Variants in DCLK3 observed in about 807,000 individuals in gnomAD.
DCLK3 encodes the protein doublecortin like kinase 3.
A neutral mutation model predicts 46.4 loss-of-function variants in DCLK3; 30 were observed. The ratio of observed to expected loss-of-function variants is 0.65; its 90% CI spans 0.48 to 0.88. DCLK3 has a LOEUF of 0.88. Ranked by LOEUF, DCLK3 falls within the 40% of genes least tolerant of loss-of-function variation. The pLI is 0.00. For missense variants in DCLK3, 846 were observed against 907.1 expected (o/e 0.93, Z 0.87); for synonymous variants, 401 against 339.2 (o/e 1.18, Z -2.00).
intron 1 of DCLK3, among the ~76,000 whole-genome samples, chr3:36,739,493 G>A (rs781641880): frequency 6.6e-6 from 1 of 152,096 alleles, no homozygotes; most frequent in Non-Finnish European, 1.5e-5. Flanking sequence ...CCATGGTAGT[G>A]AATAAATCTC....
At chr3:36,748,564 A>C (rs1701412440) in intron 1 of DCLK3, among the ~76,000 whole-genome samples, 1 of 152,154 alleles carries the variant, frequency 6.6e-6, no homozygotes, top group Non-Finnish European at 1.5e-5. Flanking sequence ...GGAAGGATTC[A>C]GAACAGGAGC....
intron 1 of DCLK3, among the ~76,000 whole-genome samples, chr3:36,749,866 A>T (rs1701424319): frequency 6.6e-6 from 1 of 152,222 alleles, no homozygotes; most frequent in Non-Finnish European, 1.5e-5. Flanking sequence ...GCCTTCATTC[A>T]TATTCAGGAG....
rs780611700 is a variant in DCLK3 at position 36,740,939 on chromosome 3, T to C, written c.83-1855A>G. Among the ~76,000 whole-genome samples, 5 of 152,364 alleles carry C rather than the reference T, an allele frequency of 3.3e-5. No homozygotes were observed. In the South Asian group the frequency reaches 1.0e-3, roughly 32 times the overall value. ...CAGAATGTTTTTTGTTTTTTAATTA[T>C]AATGTACAATCTGTTCTGAGATGAT... On this transcript the variant is annotated intron_variant, in intron 1 of 4. Coordinates refer to ENST00000636136, the MANE Select transcript of DCLK3 (RefSeq NM_001394672.2).
intron 2 of DCLK3, among the ~76,000 whole-genome samples, chr3:36,723,163 T>C (rs1470001607): frequency 6.6e-6 from 1 of 152,222 alleles, no homozygotes; most frequent in Non-Finnish European, 1.5e-5. Context: ...TAGCAGAGAC[T>C]GGTGGCATTT....
At chr3:36,748,899 G>C (rs1447900565) in intron 1 of DCLK3, among the ~76,000 whole-genome samples, 1 of 152,114 alleles carries the variant, frequency 6.6e-6, no homozygotes, top group Non-Finnish European at 1.5e-5. Flanking sequence ...AATGCATGGG[G>C]AGCCTCTCCA....
chr3:36,746,667 C>G (rs1261713378), intron 1 of DCLK3, among the ~76,000 whole-genome samples: 2 of 152,252 alleles, frequency 1.3e-5, no homozygotes, highest in South Asian at 2.1e-4. Context: ...CCTACAGACA[C>G]CCCATGACAA....
chr3:36,745,048 T>C (rs1032905727), intron 1 of DCLK3, among the ~76,000 whole-genome samples: 1 of 152,176 alleles, frequency 6.6e-6, no homozygotes, highest in Non-Finnish European at 1.5e-5. Context: ...GATGATCAGC[T>C]CTCCACCTTA....
chr3:36,749,077 G>A (rs1361630809), intron 1 of DCLK3, among the ~76,000 whole-genome samples: 1 of 152,062 alleles, frequency 6.6e-6, no homozygotes, highest in African/African-American at 2.4e-5. Flanking sequence ...GGGCTTCATC[G>A]CTCACTCAGT....
At position 36,737,419 on chromosome 3, in the gene DCLK3, A is replaced by G; in HGVS notation, c.1748T>C (p.Ile583Thr). ...LIIQSLSHPN[I>T]VKLHEVYETD... Reference sequence around the variant, plus strand: ...TTCGTAGACTTCATGCAATTTCACGATGTTGGGGTGAGAGAGGCTCTGGAT... The same window carrying G: ...TTCGTAGACTTCATGCAATTTCACGGTGTTGGGGTGAGAGAGGCTCTGGAT... Residue 583 changes from isoleucine to threonine, a missense_variant, in exon 2 of 5, where the codon ATC becomes ACC. This residue lies in a region of DCLK3 where 247 missense variants were observed against 322.8 expected (regional missense o/e 0.77). Coordinates refer to ENST00000636136, the MANE Select transcript of DCLK3 (RefSeq NM_001394672.2). The surrounding 1 kb of genome is among the most constrained non-coding windows in gnomAD (Gnocchi z 4.4). 1 of 1,614,102 alleles carries G rather than the reference A, an allele frequency of 6.2e-7. No homozygotes were observed. Among genetic ancestry groups the G allele is most frequent in the Non-Finnish European group, 8.5e-7 (1 of 1,180,020 alleles).
Position 36,764,330 on chromosome 3 carries a change from C to A in DCLK3, c.-67G>T. ...CAGCGCGGGGACGCGGCTCGACGGT[C>A]GAGCAGGCGCGGGAAGGCGGGGCGA... On this transcript the variant is annotated 5_prime_UTR_variant, in exon 1 of 5. Transcript: ENST00000636136. This position sits in a 1 kb window ranked among gnomAD's most constrained non-coding sequence, Gnocchi z 4.9. 1 of 209,834 alleles carries A rather than the reference C, an allele frequency of 4.8e-6. No individual in the cohort carries two copies. The allele number at this position is 209,834 out of a possible 1,614,324, so 13.0% of individuals were successfully genotyped here.
In DCLK3 at chr3:36,737,934, G is replaced by A. The variant is rs748981707; in HGVS notation, c.1233C>T (p.Ala411=). Residue 411 remains alanine, a synonymous_variant, in exon 2 of 5, where the codon GCC becomes GCT. Coordinates refer to ENST00000636136, the MANE Select transcript of DCLK3 (RefSeq NM_001394672.2). The surrounding 1 kb of genome is among the most constrained non-coding windows in gnomAD (Gnocchi z 4.4). ...GAAGAACTTCCACAAGGTCCTTCTT[G>A]GCCTTGGCTGCTCCCTGAGCATGGC... ...QESHAQGAAK[A]KKDLVEVLPV... is the part of the protein sequence containing the mutation. 3 of 1,614,080 alleles carry A rather than the reference G, an allele frequency of 1.9e-6. No individual in the cohort carries two copies. Among genetic ancestry groups the A allele is most frequent in the Non-Finnish European group, 2.5e-6 (3 of 1,180,018 alleles).
chr3:36,736,120 C>G (rs553509953), intron 2 of DCLK3, among the ~76,000 whole-genome samples: 1 of 152,298 alleles, frequency 6.6e-6, no homozygotes, highest in African/African-American at 2.4e-5. Flanking sequence ...TAAGGGAGAA[C>G]ACGTACTGTT....
intron 1 of DCLK3, among the ~76,000 whole-genome samples, chr3:36,758,978 T>A (rs1701512716): frequency 6.6e-6 from 1 of 152,264 alleles, no homozygotes; most frequent in South Asian, 2.1e-4. Flanking sequence ...TGTATTTGAC[T>A]TGTAGCTGTG....
At chr3:36,761,960 G>C (rs1186831349) in intron 1 of DCLK3, among the ~76,000 whole-genome samples, 2 of 152,260 alleles carry the variant, frequency 1.3e-5, no homozygotes, top group East Asian at 3.9e-4. Flanking sequence ...AAATATTTAG[G>C]GGAAAAAAGG....
At chr3:36,731,297 G>A (rs749240910) in intron 2 of DCLK3, among the ~76,000 whole-genome samples, 5 of 151,756 alleles carry the variant, frequency 3.3e-5, no homozygotes, top group African/African-American at 7.3e-5. Flanking sequence ...ATTTCACCTC[G>A]ACCCTGCTTC....
chr3:36,751,063 TAAAAAAA>T (rs5847933), intron 1 of DCLK3, among the ~76,000 whole-genome samples: 61 of 76,496 alleles, frequency 8.0e-4, no homozygotes, highest in Non-Finnish European at 1.1e-3. Context: ...CGGGATGATC[TAAAAAAA>T]AAAAAAAAAA....
chr3:36,738,300 C>T lies in DCLK3; in HGVS notation c.867G>A (p.Arg289=), dbSNP rs759089290. 10 of 1,515,802 alleles carry T rather than the reference C, an allele frequency of 6.6e-6. No individual in the cohort carries two copies. In the Admixed American group the frequency reaches 1.1e-4, roughly 17 times the overall value. The allele number at this position is 1,515,802 out of a possible 1,614,324, so 93.9% of individuals were successfully genotyped here. Residue 289 remains arginine (R), a synonymous_variant, in exon 2 of 5, where the codon AGG becomes AGA. Transcript: ENST00000636136. The stretch of plus-strand genomic sequence containing the variant: ...TCTCCACCCCAAGATGCTTCTCTCC[C>T]CTTGCGTGCCTCTCTTCCAGAGTGG... The part of the protein sequence containing the change: ...REATLEERHA[R]GEKHLGVEIE...
At chr3:36,732,001 T>C (rs563148422) in intron 2 of DCLK3, among the ~76,000 whole-genome samples, 6 of 152,278 alleles carry the variant, frequency 3.9e-5, no homozygotes, top group African/African-American at 1.2e-4. Flanking sequence ...GACCCTCAAA[T>C]GGCTCACAAG....
At chr3:36,736,384 A>G (rs980852023) in intron 2 of DCLK3, among the ~76,000 whole-genome samples, 1 of 152,128 alleles carries the variant, frequency 6.6e-6, no homozygotes, top group Admixed American at 6.5e-5. Context: ...TTTGGACAAT[A>G]TTCTTATTTT....
Sources: gnomAD v4.1 joint callset for allele counts (sites outside exome capture counted in the v4.1 genomes callset) on GRCh38, gnomAD v4.1.1 for gene constraint, gnomAD v4.1.1 regional missense constraint, Gnocchi (gnomAD v3.1) non-coding constraint, MANE v1.5 for transcripts, NCBI Gene and HGNC (gene_info 2026-07-23, HGNC 2026-07-21) for gene names.